Variants in PTPRD observed in about 807,000 individuals in gnomAD.
The protein encoded by PTPRD is protein tyrosine phosphatase receptor type D, also known as receptor-type tyrosine-protein phosphatase delta.
In PTPRD, 34 loss-of-function variants were observed where a neutral mutation model predicts 214.5. The ratio of observed to expected loss-of-function variants is 0.16; its 90% CI spans 0.12 to 0.21. PTPRD has a LOEUF of 0.21. PTPRD is among the 10% of genes least tolerant of loss of function. The pLI is 1.00. For missense variants in PTPRD, 2,545 were observed against 2,398.7 expected (o/e 1.06, Z -1.27); for synonymous variants, 1,128 against 845.7 (o/e 1.33, Z -5.79).
intron 23 of PTPRD, among the ~76,000 whole-genome samples, chr9:8,502,842 G>GTC (rs1365298313): frequency 1.4e-5 from 2 of 142,540 alleles, no homozygotes; most frequent in East Asian, 4.3e-4. Context: ...ATATGTATGT[G>GTC]TGTGTGTATA....
At chr9:8,804,579 CAG>C (rs567248731) in intron 11 of PTPRD, among the ~76,000 whole-genome samples, 1 of 152,068 alleles carries the variant, frequency 6.6e-6, no homozygotes, top group Non-Finnish European at 1.5e-5. Context: ...TCCCGTGTGA[CAG>C]AGAGACACTC....
chr9:10,608,279 T>C (rs1051559733), intron 2 of PTPRD, among the ~76,000 whole-genome samples: 11 of 152,000 alleles, frequency 7.2e-5, no homozygotes, highest in Non-Finnish European at 1.6e-4. Context: ...TGATATTGGG[T>C]ACAGTAATAA....
chr9:9,675,321 A>T (rs1484758321), intron 7 of PTPRD, among the ~76,000 whole-genome samples: 1 of 151,850 alleles, frequency 6.6e-6, no homozygotes, highest in Non-Finnish European at 1.5e-5. Flanking sequence ...AATGCTCATA[A>T]TAAAAATATG....
rs146036433 is a variant in PTPRD at position 10,473,726 on chromosome 9, C to T, written c.-599-132709G>A. On this transcript the variant is annotated intron_variant, in intron 2 of 45. Transcript: ENST00000381196. Reference sequence around the variant, plus strand: ...AAATGAAAGTGTTCAGTGATCCTAACATTTGAAAAGCTTAAAGAGACATTT... The same window carrying T: ...AAATGAAAGTGTTCAGTGATCCTAATATTTGAAAAGCTTAAAGAGACATTT... Among the ~76,000 whole-genome samples, 697 of 152,168 alleles carry T rather than the reference C, an allele frequency of 4.6e-3. 9 individuals carry two copies. The highest frequency in any genetic ancestry group is 0.016 in the African/African-American group (666 of 41,552).
intron 14 of PTPRD, among the ~76,000 whole-genome samples, chr9:8,557,468 C>A (rs1016982672): frequency 3.9e-5 from 5 of 127,566 alleles, no homozygotes; most frequent in Non-Finnish European, 7.5e-5. Context: ...TTGGGCCGGG[C>A]GCGGTGGCTC....
chr9:9,827,133 C>T (rs2053173218), intron 5 of PTPRD, among the ~76,000 whole-genome samples: 1 of 152,072 alleles, frequency 6.6e-6, no homozygotes, highest in African/African-American at 2.4e-5. Flanking sequence ...CAATGACTTT[C>T]TTCACAGAAT....
chr9:8,567,640 C>G (rs2089776859), intron 14 of PTPRD, among the ~76,000 whole-genome samples: 2 of 152,218 alleles, frequency 1.3e-5, no homozygotes, highest in East Asian at 3.9e-4. Flanking sequence ...GTGTAATCTC[C>G]TATTCTAGAC....
At chr9:10,216,714 G>C (rs985574289) in intron 3 of PTPRD, among the ~76,000 whole-genome samples, 2 of 151,954 alleles carry the variant, frequency 1.3e-5, no homozygotes, top group African/African-American at 4.8e-5. Flanking sequence ...TTTTTTGATA[G>C]TGTTGGAAGT....
intron 7 of PTPRD, among the ~76,000 whole-genome samples, chr9:9,702,361 C>T (rs1025166473): frequency 2.0e-5 from 3 of 152,104 alleles, no homozygotes; most frequent in African/African-American, 7.2e-5. Flanking sequence ...GAGATCACAA[C>T]AGTATAATAT....
chr9:10,552,640 T>C (rs1193349871), intron 2 of PTPRD, among the ~76,000 whole-genome samples: 1 of 152,142 alleles, frequency 6.6e-6, no homozygotes, highest in Non-Finnish European at 1.5e-5. Context: ...CCAACTTCCA[T>C]TCTGTTGTCA....
chr9:9,816,119 A>G (rs779376341), intron 5 of PTPRD, among the ~76,000 whole-genome samples: 1 of 152,182 alleles, frequency 6.6e-6, no homozygotes, highest in Non-Finnish European at 1.5e-5. Flanking sequence ...TACACCTTAA[A>G]TTATATGTAA....
intron 3 of PTPRD, among the ~76,000 whole-genome samples, chr9:10,288,509 A>G (rs572354052): frequency 1.7e-4 from 26 of 152,348 alleles, no homozygotes; most frequent in Non-Finnish European, 2.9e-4. Flanking sequence ...TAGGTCAAGT[A>G]TAGCATGAAA....
intron 3 of PTPRD, among the ~76,000 whole-genome samples, chr9:10,232,095 C>T (rs536659989): frequency 8.7e-5 from 13 of 149,244 alleles, no homozygotes; most frequent in African/African-American, 3.0e-4. Flanking sequence ...CGTGTGTCTG[C>T]TTCCCCTTTG....
rs907944289 is a variant in PTPRD at position 9,783,195 on chromosome 9, T to A, written c.-367-16344A>T. Among the ~76,000 whole-genome samples, 14 of 152,334 alleles carry A rather than the reference T, an allele frequency of 9.2e-5. No homozygotes were observed. In the East Asian group the frequency reaches 2.5e-3, roughly 27 times the overall value. ...GTAAAGCTGTTTGTTTTTGATTCTGTGCATATTTGCTATCCTCAAATGATT... is the reference window on the plus strand; with the variant it reads ...GTAAAGCTGTTTGTTTTTGATTCTGAGCATATTTGCTATCCTCAAATGATT... On this transcript the variant is annotated intron_variant, in intron 5 of 45. Transcript: ENST00000381196.
At chr9:8,423,852 C>G (rs530809797) in intron 35 of PTPRD, among the ~76,000 whole-genome samples, 14 of 152,078 alleles carry the variant, frequency 9.2e-5, no homozygotes, top group Admixed American at 3.3e-4. Context: ...TTACCTAGAT[C>G]AAGATCAGAA....
chr9:8,977,313 A>C lies in PTPRD; in HGVS notation c.-104+41384T>G, dbSNP rs946178623. ...GCATAACTTGGATCCTATCATCCCT[A>C]ATCAAAATACTTTAAAGGCTTCCAA... On this transcript the variant is annotated intron_variant, in intron 11 of 45. Coordinates refer to ENST00000381196, the MANE Select transcript of PTPRD (RefSeq NM_002839.4). Among the ~76,000 whole-genome samples, 4 of 152,156 alleles carry C rather than the reference A, an allele frequency of 2.6e-5. No individual in the cohort carries two copies. In the East Asian group the frequency reaches 5.8e-4, roughly 22 times the overall value.
chr9:10,149,643 T>C (rs979515362), intron 3 of PTPRD, among the ~76,000 whole-genome samples: 19 of 152,204 alleles, frequency 1.2e-4, no homozygotes. Flanking sequence ...CCAGAATGAA[T>C]AGATTATAAT....
chr9:9,959,352 G>T (rs2094184410), intron 4 of PTPRD, among the ~76,000 whole-genome samples: 1 of 152,080 alleles, frequency 6.6e-6, no homozygotes, highest in African/African-American at 2.4e-5. Context: ...AGGAAGAGGG[G>T]TAAATAGGTA....
chr9:8,984,962 G>A (rs190314363), intron 11 of PTPRD, among the ~76,000 whole-genome samples: 1 of 152,014 alleles, frequency 6.6e-6, no homozygotes, highest in African/African-American at 2.4e-5. Context: ...TTTTATTTGG[G>A]CTTTGGAAAT....
Sources: gnomAD v4.1 joint callset for allele counts (sites outside exome capture counted in the v4.1 genomes callset) on GRCh38, gnomAD v4.1.1 for gene constraint, MANE v1.5 for transcripts, NCBI Gene and HGNC (gene_info 2026-07-23, HGNC 2026-07-21) for gene names.